ITPR1: variants seen among roughly 807,000 people sequenced by gnomAD.
The protein encoded by ITPR1 is inositol 1,4,5-trisphosphate receptor type 1.
Under a neutral mutation model 318.4 loss-of-function variants are expected in ITPR1, and 96 were observed. The observed-to-expected ratio is 0.30, with a 90% CI of 0.26 to 0.36. ITPR1 has a LOEUF of 0.36. ITPR1 is among the 10% of genes least tolerant of loss of function. The pLI is 1.00. For missense variants in ITPR1, 2,440 were observed against 3,460.2 expected (o/e 0.71, Z 7.40); for synonymous variants, 1,312 against 1,289.9 (o/e 1.02, Z -0.37).
intron 54 of ITPR1, among the ~76,000 whole-genome samples, chr3:4,803,159 A>T (rs1370287298): frequency 6.6e-6 from 1 of 152,192 alleles, no homozygotes; most frequent in Non-Finnish European, 1.5e-5. Context: ...ACACGCTTTT[A>T]AACAACCAGC....
At chr3:4,574,075 G>A (rs2088338462) in intron 4 of ITPR1, among the ~76,000 whole-genome samples, 1 of 152,192 alleles carries the variant, frequency 6.6e-6, no homozygotes, top group South Asian at 2.1e-4. Flanking sequence ...GCCTTAGGTG[G>A]AGGTGGTTGC....
chr3:4,741,807 G>A (rs1458642008), intron 44 of ITPR1, among the ~76,000 whole-genome samples: 1 of 152,192 alleles, frequency 6.6e-6, no homozygotes, highest in African/African-American at 2.4e-5. Context: ...AAAGATTGGT[G>A]TGTGAGCAAG....
intron 5 of ITPR1, among the ~76,000 whole-genome samples, chr3:4,638,881 A>C (rs2093268837): frequency 6.6e-6 from 1 of 152,188 alleles, no homozygotes; most frequent in Non-Finnish European, 1.5e-5. Context: ...AGTGGAGTTC[A>C]TGTGAGGTGC....
chr3:4,594,796 G>T (rs975370886), intron 4 of ITPR1, among the ~76,000 whole-genome samples: 2 of 152,010 alleles, frequency 1.3e-5, no homozygotes, highest in Admixed American at 6.6e-5. Flanking sequence ...TGGGCCCGTT[G>T]TCATCTCCTA....
chr3:4,813,264 T>C (rs377212467), intron 57 of ITPR1, 30 bp downstream of exon 57: 5 of 1,501,522 alleles, frequency 3.3e-6, no homozygotes, highest in Non-Finnish European at 4.6e-6. Flanking sequence ...AGCCCCATGT[T>C]AATATCGGAC....
chr3:4,603,402 A>ATTTTC (rs140839540), intron 4 of ITPR1, among the ~76,000 whole-genome samples: 10,765 of 151,476 alleles, frequency 0.071, 915 homozygotes, highest in East Asian at 0.35. Flanking sequence ...TATGTACCAC[A>ATTTTC]TTTTCTTTTC....
intron 37 of ITPR1, among the ~76,000 whole-genome samples, chr3:4,707,929 A>G (rs2094793808): frequency 6.6e-6 from 1 of 152,196 alleles, no homozygotes; most frequent in Admixed American, 6.5e-5. Context: ...AGAAATGATG[A>G]TCTTTGTCTC....
rs915880914 is a variant in ITPR1, at chr3:4,847,342, T to TATC, written c.*1118_*1120dup. ...TGAAAAATATGAAAGGAAACTTTTA[T>TATC]ATCTGTTGCCTAGTTTTGTACATGG... On this transcript the variant is annotated 3_prime_UTR_variant, in exon 62 of 62. Transcript: ENST00000649015. 1.3e-5 allele frequency: 2 copies of TATC among 151,598 alleles called. No individual in the cohort carries two copies. The highest frequency in any genetic ancestry group is 4.9e-5 in the African/African-American group (2 of 41,086). 9.4% of individuals were successfully genotyped at this position (151,598 alleles called of 1,614,324 possible). A position where few individuals can be genotyped will look rare whatever the true frequency, so the allele number is the denominator to read the frequency against.
intron 4 of ITPR1, among the ~76,000 whole-genome samples, chr3:4,539,248 A>C (rs1435141493): frequency 6.6e-6 from 1 of 152,044 alleles, no homozygotes; most frequent in African/African-American, 2.4e-5. Flanking sequence ...CTCTTTTTTG[A>C]AAAAATGTTT....
At chr3:4,677,591 A>G (rs2125222517) in intron 24 of ITPR1, among the ~76,000 whole-genome samples, 1 of 152,290 alleles carries the variant, frequency 6.6e-6, no homozygotes, top group African/African-American at 2.4e-5. Context: ...GGGGTTCAAG[A>G]GGGAATGGGA....
intron 52 of ITPR1, among the ~76,000 whole-genome samples, chr3:4,789,384 G>C (rs1463425388): frequency 1.3e-5 from 2 of 152,172 alleles, no homozygotes; most frequent in Non-Finnish European, 2.9e-5. Context: ...TGCAGCTCCA[G>C]GATCCTCATG....
intron 52 of ITPR1, among the ~76,000 whole-genome samples, chr3:4,790,970 A>C (rs1476389135): frequency 6.6e-6 from 1 of 152,188 alleles, no homozygotes; most frequent in Non-Finnish European, 1.5e-5. Flanking sequence ...GGAAAATGAG[A>C]AGAGAGAGAA....
At chr3:4,775,198 C>T (rs190571819) in intron 46 of ITPR1, 44 bp from the exon 47 acceptor site, 170 of 1,361,996 alleles carry the variant, frequency 1.2e-4, no homozygotes, top group Non-Finnish European at 2.0e-5. Context: ...TTTCCCTCTT[C>T]CCTCTGCCTT....
At chr3:4,631,165 C>A (rs923936438) in intron 5 of ITPR1, among the ~76,000 whole-genome samples, 9 of 152,158 alleles carry the variant, frequency 5.9e-5, no homozygotes, top group African/African-American at 1.9e-4. Flanking sequence ...GCTCTCAGCT[C>A]TTTGGGCGAC....
chr3:4,812,767 C>A (rs2049023116), intron 56 of ITPR1, among the ~76,000 whole-genome samples: 1 of 152,186 alleles, frequency 6.6e-6, no homozygotes, highest in East Asian at 1.9e-4. Context: ...GAGTTGTGGA[C>A]TAAACTGGCC....
In ITPR1 at chr3:4,800,150, T is replaced by C. The variant is rs2048132874; in HGVS notation, c.6932-275T>C. 1.4e-5 allele frequency: 6 copies of C among 440,816 alleles called. No homozygotes were observed. The South Asian group carries it at 1.9e-4, about 14-fold the overall frequency. The allele number at this position is 440,816 out of a possible 1,614,324, so 27.3% of individuals were successfully genotyped here. On this transcript the variant is annotated intron_variant, in intron 53 of 61. Coordinates refer to ENST00000649015, the MANE Select transcript of ITPR1 (RefSeq NM_001378452.1). Reference sequence around the variant, plus strand: ...ATGTTTTTGTGGGGAGGAAGGGGATTGGGGGAGGCTTCCTGGAAGAAGTAA... The same window carrying C: ...ATGTTTTTGTGGGGAGGAAGGGGATCGGGGGAGGCTTCCTGGAAGAAGTAA...
chr3:4,720,920 C>A (rs1030461395), intron 40 of ITPR1, among the ~76,000 whole-genome samples: 1 of 151,984 alleles, frequency 6.6e-6, no homozygotes, highest in Non-Finnish European at 1.5e-5. Flanking sequence ...GGTTGGGTAC[C>A]TGCCAGTGTT....
chr3:4,846,254 C>G lies in ITPR1; in HGVS notation c.*29C>G. 3 of 1,436,866 alleles carry G rather than the reference C, an allele frequency of 2.1e-6. No individual in the cohort carries two copies. Among genetic ancestry groups the G allele is most frequent in the Non-Finnish European group, 2.9e-6 (3 of 1,043,666 alleles). 89.0% of individuals were successfully genotyped at this position (1,436,866 alleles called of 1,614,324 possible). ...AATGAAAGAAAGGAATTGTATTTAC[C>G]TTTTATAATTATTATTAGTGTGGGT... is the stretch of plus-strand genomic sequence containing the variant. On this transcript the variant is annotated 3_prime_UTR_variant, in exon 62 of 62. Transcript: ENST00000649015.
intron 44 of ITPR1, among the ~76,000 whole-genome samples, chr3:4,741,701 A>G (rs1394196761): frequency 6.6e-6 from 1 of 152,182 alleles, no homozygotes; most frequent in East Asian, 1.9e-4. Context: ...ATGAGGGCGG[A>G]AAGGGCAATT....
Sources: gnomAD v4.1 joint callset for allele counts (sites outside exome capture counted in the v4.1 genomes callset) on GRCh38, gnomAD v4.1.1 for gene constraint, MANE v1.5 for transcripts, NCBI Gene and HGNC (gene_info 2026-07-23, HGNC 2026-07-21) for gene names.